The following NUDT16 variants were observed in gnomAD, a reference collection of about 807,000 sequenced individuals.
NUDT16 encodes U8 snoRNA-decapping enzyme.
NUDT16 carries 12 observed loss-of-function variants against 11.7 expected under a neutral mutation model. That is an observed-to-expected ratio of 1.03 (90% CI 0.66 to 1.67). The LOEUF (loss-of-function observed/expected upper bound fraction) is 1.67. Ranked by LOEUF, NUDT16 falls within the 40% of genes most tolerant of loss-of-function variation. The pLI is 0.00. For synonymous variants in NUDT16, 129 were observed against 122.6 expected (o/e 1.05, Z -0.35); for missense variants, 303 against 268.9 (o/e 1.13, Z -0.89).
chr3:131,382,295 G>A lies in NUDT16; in HGVS notation c.388G>A (p.Ala130Thr), dbSNP rs2097456149. 8.7e-6 allele frequency: 14 copies of A among 1,612,924 alleles called. No individual in the cohort carries two copies. The highest frequency in any genetic ancestry group is 1.3e-5 in the African/African-American group (1 of 75,056). The change falls in exon 2 of 3, where the codon GCC becomes ACC. Residue 130 changes from alanine to threonine, a missense_variant. Transcript: ENST00000521288. ...GGCTGTGGAGGCCGGCGCAACACGC[G>A]CCAAGGACCACGGGCTGGAGGTGGG... ...LLAVEAGATR[A>T]KDHGLEVLGL...
At chr3:131,382,937 A>AG (rs1409703764) in intron 2 of NUDT16, 7 of 610,058 alleles carry the variant, frequency 1.1e-5, no homozygotes, top group Non-Finnish European at 1.7e-5. Context: ...TAGCCACTAG[A>AG]GGTTTAGAAG....
In NUDT16 at chr3:131,387,698, C is replaced by G. The variant is rs1190712294; in HGVS notation, c.*4357C>G. ...TCCTGGACTCAGCCAAGACCCTCACCTACAGTCCCAGTCCTCCCACCTTCT... is the reference window on the plus strand; with the variant it reads ...TCCTGGACTCAGCCAAGACCCTCACGTACAGTCCCAGTCCTCCCACCTTCT... On this transcript the variant is annotated 3_prime_UTR_variant, in exon 3 of 3. Transcript: ENST00000521288. 1.3e-5 allele frequency: 2 copies of G among 152,572 alleles called. No homozygotes were observed. The highest frequency in any genetic ancestry group is 3.9e-4 in the East Asian group (2 of 5,186). The allele number at this position is 152,572 out of a possible 1,614,324, so 9.5% of individuals were successfully genotyped here.
In NUDT16 at chr3:131,381,931, T is replaced by C. The variant is rs773350182; in HGVS notation, c.127T>C (p.Tyr43His). ...GCTCTTCGGCCGCATCCCGCTGCGC[T>C]ACGCCATACTGGTGAGAAGGGGGCG... ...GMLFGRIPLRYAILMQMRFDG... is the reference protein window; with the variant it reads ...GMLFGRIPLRHAILMQMRFDG... The change falls in exon 1 of 3, where the codon TAC becomes CAC. Residue 43 changes from tyrosine to histidine, a missense_variant. Coordinates refer to ENST00000521288, the MANE Select transcript of NUDT16 (RefSeq NM_152395.3). 2.2e-5 allele frequency: 35 copies of C among 1,611,780 alleles called. No homozygotes were observed.
rs566228366 is a variant in NUDT16 at position 131,381,814 on chromosome 3, G to A, written c.10G>A (p.Ala4Thr). Residue 4 changes from alanine to threonine, a missense_variant, in exon 1 of 3, where the codon GCC becomes ACC. Coordinates refer to ENST00000521288, the MANE Select transcript of NUDT16 (RefSeq NM_152395.3). Reference sequence around the variant, plus strand: ...GGAGCAGTGTCCGGCCATGGCCGGAGCCCGCAGGCTGGAGCTAGGCGAGGC... The same window carrying A: ...GGAGCAGTGTCCGGCCATGGCCGGAACCCGCAGGCTGGAGCTAGGCGAGGC... Reference protein sequence around the residue: MAGARRLELGEALA... With the variant: MAGTRRLELGEALA... 1.5e-5 allele frequency: 23 copies of A among 1,561,854 alleles called. No individual in the cohort carries two copies. The highest frequency in any genetic ancestry group is 2.0e-5 in the Non-Finnish European group (23 of 1,160,590).
Position 131,383,037 on chromosome 3 carries a change from T to G in NUDT16, c.409-125T>G. ...GTTGGGCCACTAGGCTTTAGTGAGG[T>G]GTGAGCCTTGGGCCTGGTTCTGCTG... On this transcript the variant is annotated intron_variant, in intron 2 of 2. Coordinates refer to ENST00000521288, the MANE Select transcript of NUDT16 (RefSeq NM_152395.3). This position sits in a 1 kb window ranked among gnomAD's most constrained non-coding sequence, Gnocchi z 4.4. The G allele has an allele frequency of 9.6e-7, 1 of 1,042,992 alleles. No individual in the cohort carries two copies. Among genetic ancestry groups the G allele is most frequent in the Non-Finnish European group, 1.4e-6 (1 of 708,346 alleles). 64.6% of individuals were successfully genotyped at this position (1,042,992 alleles called of 1,614,324 possible). A position where few individuals can be genotyped will look rare whatever the true frequency, so the allele number is the denominator to read the frequency against.
rs2110661052 is a variant in NUDT16, at chr3:131,384,809, A to G, written c.*1468A>G. On this transcript the variant is annotated 3_prime_UTR_variant, in exon 3 of 3. Transcript: ENST00000521288. ...TGTGTTCTCAGAAGGTATGAAGTAG[A>G]TGTTTTCCTAGGTGTTGGAAAACAG... The G allele has an allele frequency of 6.6e-6, 1 of 152,364 alleles. No homozygotes were observed. 9.4% of individuals were successfully genotyped at this position (152,364 alleles called of 1,614,324 possible). A position where few individuals can be genotyped will look rare whatever the true frequency, so the allele number is the denominator to read the frequency against.
rs2097458856 is a variant in NUDT16 at position 131,384,642 on chromosome 3, C to G, written c.*1301C>G. 1 of 152,132 alleles carries G rather than the reference C, an allele frequency of 6.6e-6. No individual in the cohort carries two copies. The highest frequency in any genetic ancestry group is 1.5e-5 in the Non-Finnish European group (1 of 68,054). The allele number at this position is 152,132 out of a possible 1,614,324, so 9.4% of individuals were successfully genotyped here. ...GGACCTTTGTAGGAAGAGACACAGT[C>G]CTGCAGCCTCATATGGCTCAATAAA... On this transcript the variant is annotated 3_prime_UTR_variant, in exon 3 of 3. Coordinates refer to ENST00000521288, the MANE Select transcript of NUDT16 (RefSeq NM_152395.3).
At position 131,383,393 on chromosome 3, in the gene NUDT16, G is replaced by A. The variant is rs1418943551; in HGVS notation, c.*52G>A. On this transcript the variant is annotated 3_prime_UTR_variant, in exon 3 of 3. Coordinates refer to ENST00000521288, the MANE Select transcript of NUDT16 (RefSeq NM_152395.3). This position sits in a 1 kb window ranked among gnomAD's most constrained non-coding sequence, Gnocchi z 4.4. Reference sequence around the variant, plus strand: ...ACTGAGATGAGGACCTTGGTACTAGGGAGGGAGGGAAGGACGTGGGAATGT... The same window carrying A: ...ACTGAGATGAGGACCTTGGTACTAGAGAGGGAGGGAAGGACGTGGGAATGT... 3 of 1,609,728 alleles carry A rather than the reference G, an allele frequency of 1.9e-6. No individual in the cohort carries two copies. Among genetic ancestry groups the A allele is most frequent in the African/African-American group, 2.7e-5 (2 of 74,860 alleles).
Position 131,388,190 on chromosome 3 carries a change from A to C in NUDT16, c.*4849A>C, listed in dbSNP as rs2097461143. On this transcript the variant is annotated 3_prime_UTR_variant, in exon 3 of 3. Coordinates refer to ENST00000521288, the MANE Select transcript of NUDT16 (RefSeq NM_152395.3). Reference sequence around the variant, plus strand: ...AAAATCTACCTCTGATATGGAGACCAGGCTTAAGAAAATCCCCTAGAACCC... The same window carrying C: ...AAAATCTACCTCTGATATGGAGACCCGGCTTAAGAAAATCCCCTAGAACCC... 6.6e-6 allele frequency: 1 copy of C among 152,380 alleles called. No homozygotes were observed. Among genetic ancestry groups the C allele is most frequent in the African/African-American group, 2.4e-5 (1 of 41,562 alleles). 9.4% of individuals were successfully genotyped at this position (152,380 alleles called of 1,614,324 possible). A position where few individuals can be genotyped will look rare whatever the true frequency, so the allele number is the denominator to read the frequency against.
chr3:131,387,242 C>G lies in NUDT16; in HGVS notation c.*3901C>G, dbSNP rs984732902. The G allele has an allele frequency of 6.6e-6, 1 of 152,334 alleles. No individual in the cohort carries two copies. The highest frequency in any genetic ancestry group is 1.5e-5 in the Non-Finnish European group (1 of 68,174). 9.4% of individuals were successfully genotyped at this position (152,334 alleles called of 1,614,324 possible). A position where few individuals can be genotyped will look rare whatever the true frequency, so the allele number is the denominator to read the frequency against. On this transcript the variant is annotated 3_prime_UTR_variant, in exon 3 of 3. Transcript: ENST00000521288. Reference sequence around the variant, plus strand: ...GCCCCCACAAAGAGAAACCATGTGCCTTCTCCCCACTTCCCTTCTGGCTTG... The same window carrying G: ...GCCCCCACAAAGAGAAACCATGTGCGTTCTCCCCACTTCCCTTCTGGCTTG...
chr3:131,388,181 A>G lies in NUDT16; in HGVS notation c.*4840A>G, dbSNP rs1421514326. On this transcript the variant is annotated 3_prime_UTR_variant, in exon 3 of 3. Coordinates refer to ENST00000521288, the MANE Select transcript of NUDT16 (RefSeq NM_152395.3). ...AGCCCCAGGAAAATCTACCTCTGATATGGAGACCAGGCTTAAGAAAATCCC... is the reference window on the plus strand; with the variant it reads ...AGCCCCAGGAAAATCTACCTCTGATGTGGAGACCAGGCTTAAGAAAATCCC... 1 of 152,250 alleles carries G rather than the reference A, an allele frequency of 6.6e-6. No individual in the cohort carries two copies. The highest frequency in any genetic ancestry group is 1.5e-5 in the Non-Finnish European group (1 of 68,068). The allele number at this position is 152,250 out of a possible 1,614,324, so 9.4% of individuals were successfully genotyped here.
intron 2 of NUDT16, chr3:131,382,806 G>A (rs1180842249): frequency 1.0e-6 from 1 of 982,770 alleles, no homozygotes; most frequent in African/African-American, 1.6e-5. Context: ...GTGGGGCGGG[G>A]GGAGAGGAAA....
chr3:131,383,344 G>C lies in NUDT16; in HGVS notation c.*3G>C. 2 of 1,614,028 alleles carry C rather than the reference G, an allele frequency of 1.2e-6. No homozygotes were observed. Among genetic ancestry groups the C allele is most frequent in the Non-Finnish European group, 1.7e-6 (2 of 1,179,998 alleles). On this transcript the variant is annotated 3_prime_UTR_variant, in exon 3 of 3. Transcript: ENST00000521288. This position sits in a 1 kb window ranked among gnomAD's most constrained non-coding sequence, Gnocchi z 4.4. ...TTAAGATTCCAGCTCATCACTAGAG[G>C]CAGCCCTCCATGGACCCATGAAAAC...
rs1414209510 is a variant in NUDT16, at chr3:131,384,092, C to T, written c.*751C>T. 1 of 152,376 alleles carries T rather than the reference C, an allele frequency of 6.6e-6. No homozygotes were observed. The highest frequency in any genetic ancestry group is 1.5e-5 in the Non-Finnish European group (1 of 68,286). 9.4% of individuals were successfully genotyped at this position (152,376 alleles called of 1,614,324 possible). ...AGGGAATTGACCCACCCCAGTCTAG[C>T]ACCACCCTGCCTTCACTTCATCTAC... On this transcript the variant is annotated 3_prime_UTR_variant, in exon 3 of 3. Coordinates refer to ENST00000521288, the MANE Select transcript of NUDT16 (RefSeq NM_152395.3).
chr3:131,382,807 G>A lies in NUDT16; in HGVS notation c.409-355G>A, dbSNP rs2097456883. The A allele has an allele frequency of 4.1e-6, 4 of 973,218 alleles. No individual in the cohort carries two copies. In the South Asian group the frequency reaches 6.5e-5, roughly 16 times the overall value. The allele number at this position is 973,218 out of a possible 1,614,324, so 60.3% of individuals were successfully genotyped here. On this transcript the variant is annotated intron_variant, in intron 2 of 2. Transcript: ENST00000521288. ...TTCCTGCATTGGTGGTGGGGCGGGG[G>A]GAGAGGAAACCTGAGAATTTGTAGT...
chr3:131,388,187 A>G lies in NUDT16; in HGVS notation c.*4846A>G, dbSNP rs1015642829. 1 of 152,256 alleles carries G rather than the reference A, an allele frequency of 6.6e-6. No homozygotes were observed. Among genetic ancestry groups the G allele is most frequent in the African/African-American group, 2.4e-5 (1 of 41,448 alleles). The allele number at this position is 152,256 out of a possible 1,614,324, so 9.4% of individuals were successfully genotyped here. A position where few individuals can be genotyped will look rare whatever the true frequency, so the allele number is the denominator to read the frequency against. Reference sequence around the variant, plus strand: ...AGGAAAATCTACCTCTGATATGGAGACCAGGCTTAAGAAAATCCCCTAGAA... The same window carrying G: ...AGGAAAATCTACCTCTGATATGGAGGCCAGGCTTAAGAAAATCCCCTAGAA... On this transcript the variant is annotated 3_prime_UTR_variant, in exon 3 of 3. Transcript: ENST00000521288.
At chr3:131,382,420 C>T in intron 2 of NUDT16, 105 bp downstream of exon 2, 1 of 1,549,124 alleles carries the variant, frequency 6.5e-7, no homozygotes, top group East Asian at 2.4e-5. Context: ...CCCCTCTGAC[C>T]TTGCCCTCTC....
In NUDT16 at chr3:131,383,518, CA is replaced by C. The variant is rs1559772456; in HGVS notation, c.*178del. ...CAGAGGACCCTCCAACTTATGGCAT[CA>C]GGGGCAAAAAGTCACAGCTTATCCC... On this transcript the variant is annotated 3_prime_UTR_variant, in exon 3 of 3. Coordinates refer to ENST00000521288, the MANE Select transcript of NUDT16 (RefSeq NM_152395.3). The surrounding 1 kb of genome is among the most constrained non-coding windows in gnomAD (Gnocchi z 4.4). 20 of 1,437,666 alleles carry C rather than the reference CA, an allele frequency of 1.4e-5. No homozygotes were observed. Among genetic ancestry groups the C allele is most frequent in the East Asian group, 2.5e-5 (1 of 40,266 alleles). The allele number at this position is 1,437,666 out of a possible 1,614,324, so 89.1% of individuals were successfully genotyped here. A position where few individuals can be genotyped will look rare whatever the true frequency, so the allele number is the denominator to read the frequency against.
chr3:131,382,803 G>A (rs186557118), intron 2 of NUDT16: 286 of 987,742 alleles, frequency 2.9e-4, no homozygotes, highest in Middle Eastern at 1.7e-3. Context: ...GTGGTGGGGC[G>A]GGGGGAGAGG....
Sources: gnomAD v4.1 joint callset for allele counts on GRCh38, gnomAD v4.1.1 for gene constraint, Gnocchi (gnomAD v3.1) non-coding constraint, MANE v1.5 for transcripts, NCBI Gene and HGNC (gene_info 2026-07-23, HGNC 2026-07-21) for gene names.